The following MYRIP variants were observed in gnomAD, a reference collection of about 807,000 sequenced individuals.
MYRIP encodes myosin VIIA and Rab interacting protein, also known as rab effector MyRIP.
Under a neutral mutation model 98.0 loss-of-function variants are expected in MYRIP, and 49 were observed. That is an observed-to-expected ratio of 0.50 (90% confidence interval 0.40 to 0.63). The LOEUF is 0.63. Among genes scored for constraint, MYRIP ranks in the 30% least tolerant of loss-of-function variants. The pLI is 0.00. For missense variants in MYRIP, 1,004 were observed against 1,058.2 expected, an observed-to-expected ratio of 0.95 and a Z score of 0.71; for synonymous variants, 404 against 409.5, an observed-to-expected ratio of 0.99 and a Z score of 0.16.
intron 2 of MYRIP, among the ~76,000 whole-genome samples, chr3:39,962,377 CT>C (rs1419097283): frequency 6.6e-6 from 1 of 151,722 alleles, no homozygotes; most frequent in African/African-American, 2.4e-5. Flanking sequence ...ATTAAATTCC[CT>C]GTCAGTCTGC....
chr3:39,816,361 C>T (rs1015767665), intron 1 of MYRIP, among the ~76,000 whole-genome samples: 40 of 152,176 alleles, frequency 2.6e-4, no homozygotes, highest in African/African-American at 8.7e-4. Flanking sequence ...GGATTACAGG[C>T]GTGAGCCACC....
intron 3 of MYRIP, among the ~76,000 whole-genome samples, chr3:40,054,643 T>C (rs935493642): frequency 1.3e-4 from 20 of 152,184 alleles, no homozygotes; most frequent in Admixed American, 1.2e-3. Context: ...TCCAGCAGTC[T>C]GCCTTCAAAC....
At chr3:39,832,681 T>C (rs902317795) in intron 1 of MYRIP, among the ~76,000 whole-genome samples, 10 of 152,176 alleles carry the variant, frequency 6.6e-5, no homozygotes, top group Admixed American at 1.3e-4. Context: ...AAAGAAATAA[T>C]TTTAGTGTAA....
At chr3:39,917,927 CTT>C (rs36057099) in intron 2 of MYRIP, among the ~76,000 whole-genome samples, 9 of 146,002 alleles carry the variant, frequency 6.2e-5, no homozygotes, top group Admixed American at 6.8e-5. Flanking sequence ...GACTTCCATT[CTT>C]TTTTTTTTTT....
At chr3:40,111,375 C>T (rs933233463) in intron 3 of MYRIP, among the ~76,000 whole-genome samples, 8 of 152,164 alleles carry the variant, frequency 5.3e-5, no homozygotes, top group African/African-American at 1.7e-4. Context: ...ATGCATTAAG[C>T]TTCAAAAACT....
At chr3:40,121,209 G>A (rs1171268619) in intron 3 of MYRIP, among the ~76,000 whole-genome samples, 2 of 152,132 alleles carry the variant, frequency 1.3e-5, no homozygotes, top group East Asian at 1.9e-4. Context: ...GCACCTAGAA[G>A]AGTCCTAGAA....
chr3:40,124,573 A>G (rs1387026921), intron 3 of MYRIP, among the ~76,000 whole-genome samples: 1 of 152,100 alleles, frequency 6.6e-6, no homozygotes, highest in African/African-American at 2.4e-5. Flanking sequence ...TTCTCCCAGC[A>G]TTTGTTTTTG....
At chr3:40,053,509 C>T (rs1947830812) in intron 3 of MYRIP, among the ~76,000 whole-genome samples, 1 of 152,144 alleles carries the variant, frequency 6.6e-6, no homozygotes, top group South Asian at 2.1e-4. Context: ...AGAGGACTTG[C>T]TATGGGTATG....
chr3:40,065,733 C>A (rs975772929), intron 3 of MYRIP, among the ~76,000 whole-genome samples: 1 of 152,148 alleles, frequency 6.6e-6, no homozygotes, highest in South Asian at 2.1e-4. Context: ...TCGTTACACC[C>A]AGAAGAGGCA....
At chr3:39,943,136 A>G (rs897062445) in intron 2 of MYRIP, among the ~76,000 whole-genome samples, 1 of 152,122 alleles carries the variant, frequency 6.6e-6, no homozygotes, top group African/African-American at 2.4e-5. Flanking sequence ...ATGTGAAGTG[A>G]TCTTAATGAT....
intron 10 of MYRIP, among the ~76,000 whole-genome samples, chr3:40,191,234 A>G (rs62261818): frequency 3.0e-4 from 45 of 152,306 alleles, no homozygotes; most frequent in Non-Finnish European, 5.1e-4. Flanking sequence ...ATGCACAAAC[A>G]TACTCACAAT....
chr3:39,923,909 CATT>C (rs1323745511), intron 2 of MYRIP, among the ~76,000 whole-genome samples: 1 of 151,970 alleles, frequency 6.6e-6, no homozygotes, highest in Non-Finnish European at 1.5e-5. Context: ...CTGGTAAAAT[CATT>C]ATACCAGTAG....
At chr3:40,196,279 T>A (rs1951392051) in intron 10 of MYRIP, among the ~76,000 whole-genome samples, 1 of 152,156 alleles carries the variant, frequency 6.6e-6, no homozygotes, top group Non-Finnish European at 1.5e-5. Context: ...GTCTTCTTTT[T>A]ACTTTCTTGT....
intron 2 of MYRIP, among the ~76,000 whole-genome samples, chr3:40,012,668 G>A (rs1044433858): frequency 6.6e-6 from 1 of 152,178 alleles, no homozygotes; most frequent in Non-Finnish European, 1.5e-5. Flanking sequence ...TAGAGCAAGA[G>A]GTAGAGGAAG....
At chr3:40,250,572 C>A in intron 15 of MYRIP, 73 bp downstream of exon 15, 1 of 1,531,542 alleles carries the variant, frequency 6.5e-7, no homozygotes, top group Non-Finnish European at 9.0e-7. Flanking sequence ...ACAAAGAGAC[C>A]TGAGTTTGAG....
chr3:40,164,640 T>C (rs946241169), intron 5 of MYRIP, among the ~76,000 whole-genome samples: 2 of 152,236 alleles, frequency 1.3e-5, no homozygotes, highest in African/African-American at 4.8e-5. Flanking sequence ...CGTTGACACA[T>C]TGACCATCCC....
chr3:40,081,195 A>G (rs779735812), intron 3 of MYRIP, among the ~76,000 whole-genome samples: 8 of 152,100 alleles, frequency 5.3e-5, no homozygotes, highest in Non-Finnish European at 8.8e-5. Context: ...GTGCCTGAGG[A>G]GAATATATAT....
intron 1 of MYRIP, among the ~76,000 whole-genome samples, chr3:39,877,889 C>G (rs917407340): frequency 6.6e-6 from 1 of 152,218 alleles, no homozygotes; most frequent in Non-Finnish European, 1.5e-5. Flanking sequence ...CAGACAGGGA[C>G]ATATAAGTCT....
chr3:40,105,360 G>T (rs892610306), intron 3 of MYRIP, among the ~76,000 whole-genome samples: 2 of 152,108 alleles, frequency 1.3e-5, no homozygotes, highest in African/African-American at 4.8e-5. Flanking sequence ...TAAAGAAATA[G>T]CTGAGACTGG....
Sources: gnomAD v4.1 joint callset for allele counts (sites outside exome capture counted in the v4.1 genomes callset) on GRCh38, gnomAD v4.1.1 for gene constraint, MANE v1.5 for transcripts, NCBI Gene and HGNC (gene_info 2026-07-23, HGNC 2026-07-21) for gene names.